The following PTPRN2 variants were observed in gnomAD, a reference collection of about 807,000 sequenced individuals.
PTPRN2 encodes the protein protein tyrosine phosphatase receptor type N2, also known as receptor-type tyrosine-protein phosphatase N2.
In PTPRN2, 74 loss-of-function variants were observed where a neutral mutation model predicts 118.8. The ratio of observed to expected loss-of-function variants is 0.62; its 90% CI spans 0.52 to 0.76. The LOEUF (loss-of-function observed/expected upper bound fraction) is 0.76, where lower values mean the gene tolerates loss of function less well. Ranked by LOEUF, PTPRN2 falls within the 30% of genes least tolerant of loss-of-function variation. PTPRN2 has a pLI of 0.00. For missense variants in PTPRN2, 1,481 were observed against 1,394.4 expected (o/e 1.06, Z -0.99); for synonymous variants, 641 against 608.0 (o/e 1.05, Z -0.80).
chr7:157,864,497 G>A (rs557665719), intron 12 of PTPRN2: 12 of 152,476 alleles, frequency 7.9e-5, no homozygotes, highest in African/African-American at 2.9e-4. Context: ...GAGGCATTGG[G>A]GATGAGATTG....
At chr7:158,319,396 T>C (rs1802619810) in intron 2 of PTPRN2, among the ~76,000 whole-genome samples, 1 of 42,136 alleles carries the variant, frequency 2.4e-5, no homozygotes, top group African/African-American at 5.3e-5. Flanking sequence ...ACACACAGCC[T>C]CCCACACACA....
intron 17 of PTPRN2, among the ~76,000 whole-genome samples, chr7:157,580,978 CCCTGCACACCCCAGCACCTGCACACCCG>C (rs1800346070): frequency 3.1e-5 from 4 of 131,000 alleles, no homozygotes; most frequent in Admixed American, 7.7e-5. Context: ...ACACCGCAGC[CCCTGCACACCCCAGCACCTGCACACCCG>C]AGCCCCTGCA....
At chr7:157,721,505 G>A (rs1006421076) in intron 12 of PTPRN2, among the ~76,000 whole-genome samples, 40 of 152,158 alleles carry the variant, frequency 2.6e-4, no homozygotes, top group African/African-American at 8.4e-4. Context: ...GCACAGCTGC[G>A]TTGCCTCCTG....
intron 1 of PTPRN2, among the ~76,000 whole-genome samples, chr7:158,516,034 C>T (rs920406709): frequency 3.3e-5 from 5 of 152,196 alleles, no homozygotes; most frequent in East Asian, 1.9e-4. Context: ...TCCACAGACA[C>T]GCTGGTGATT....
intron 3 of PTPRN2, among the ~76,000 whole-genome samples, chr7:158,244,525 GGTGT>G (rs1161489074): frequency 6.8e-6 from 1 of 147,088 alleles, no homozygotes; most frequent in Admixed American, 6.9e-5. Context: ...TGTGTGTGAG[GGTGT>G]GTGTGAATGA....
chr7:158,294,451 T>C (rs564205780), intron 3 of PTPRN2, among the ~76,000 whole-genome samples: 1 of 152,360 alleles, frequency 6.6e-6, no homozygotes, highest in East Asian at 1.9e-4. Context: ...AAAGGTTTAC[T>C]CTGGCGTCAA....
At chr7:157,883,064 A>G (rs1329862675) in intron 12 of PTPRN2, among the ~76,000 whole-genome samples, 9 of 149,192 alleles carry the variant, frequency 6.0e-5, no homozygotes, top group Non-Finnish European at 1.2e-4. Context: ...ACACCACCTC[A>G]AAATGACTGT....
In PTPRN2 at chr7:158,108,135, G is replaced by A. The variant is rs529656400; in HGVS notation, c.1643+2694C>T. Among the ~76,000 whole-genome samples, 21 of 151,618 alleles carry A rather than the reference G, an allele frequency of 1.4e-4. No individual in the cohort carries two copies. The South Asian group carries it at 4.0e-3, about 29-fold the overall frequency. Reference sequence around the variant, plus strand: ...CAAACCACCTGCCCACTGCAGCCCTGAGTACGTGACCCTTTGCTCACCTGG... The same window carrying A: ...CAAACCACCTGCCCACTGCAGCCCTAAGTACGTGACCCTTTGCTCACCTGG... On this transcript the variant is annotated intron_variant, in intron 10 of 22. Transcript: ENST00000389418.
chr7:158,564,057 C>CG (rs1417532692), intron 1 of PTPRN2, among the ~76,000 whole-genome samples: 3 of 152,114 alleles, frequency 2.0e-5, no homozygotes, highest in Admixed American at 6.5e-5. Flanking sequence ...GCAGCACTTG[C>CG]GGGGGGCACA....
chr7:157,811,951 G>T (rs767464471), intron 12 of PTPRN2, among the ~76,000 whole-genome samples: 20 of 152,124 alleles, frequency 1.3e-4, no homozygotes, highest in African/African-American at 4.8e-4. Flanking sequence ...CGATGGGGTC[G>T]CTGTCTAAGT....
Position 157,780,486 on chromosome 7 carries a change from AG to A in PTPRN2, c.1789-97550del, listed in dbSNP as rs1200777253. 6.6e-6 allele frequency among the ~76,000 whole-genome samples: 1 copy of A among 152,166 alleles called. No individual in the cohort carries two copies. Among genetic ancestry groups the A allele is most frequent in the African/African-American group, 2.4e-5 (1 of 41,446 alleles). On this transcript the variant is annotated intron_variant, in intron 12 of 22. Transcript: ENST00000389418. The surrounding 1 kb of genome is among the most constrained non-coding windows in gnomAD (Gnocchi z 4.5). ...GCGGAACACGGCCCAGAGCAACTGAAGTTCGCTTGTCCCCACAGGCAGCTCG... is the reference window on the plus strand; with the variant it reads ...GCGGAACACGGCCCAGAGCAACTGAATTCGCTTGTCCCCACAGGCAGCTCG...
At chr7:158,528,806 GA>G (rs59416367) in intron 1 of PTPRN2, among the ~76,000 whole-genome samples, 427 of 117,172 alleles carry the variant, frequency 3.6e-3, no homozygotes, top group South Asian at 7.0e-3. Context: ...CTCAAAAACG[GA>G]AAAAAAAAAA....
In PTPRN2 at chr7:157,649,091, G is replaced by C. The variant is rs551643097; in HGVS notation, c.2196+7266C>G. On this transcript the variant is annotated intron_variant, in intron 14 of 22. Coordinates refer to ENST00000389418, the MANE Select transcript of PTPRN2 (RefSeq NM_002847.5). Reference sequence around the variant, plus strand: ...TCGGTGGGTCAGACCCATTCACTGTGCACTGAACTCGGTGGGTCGGACCCA... The same window carrying C: ...TCGGTGGGTCAGACCCATTCACTGTCCACTGAACTCGGTGGGTCGGACCCA... Among the ~76,000 whole-genome samples the C allele has an allele frequency of 7.9e-4, 106 of 133,404 alleles. 1 individual carries two copies. The highest frequency in any genetic ancestry group is 2.8e-3 in the African/African-American group (102 of 36,408). The allele number at this position is 133,404 out of a possible 152,430, so 87.5% of individuals were successfully genotyped here.
At chr7:157,814,512 G>A (rs1189155510) in intron 12 of PTPRN2, among the ~76,000 whole-genome samples, 2 of 115,708 alleles carry the variant, frequency 1.7e-5, no homozygotes, top group African/African-American at 5.4e-5. Flanking sequence ...GGCAGGACGG[G>A]GCAGGACGGG....
intron 2 of PTPRN2, among the ~76,000 whole-genome samples, chr7:158,340,406 G>A (rs1467856075): frequency 1.9e-4 from 11 of 56,906 alleles, no homozygotes; most frequent in East Asian, 5.0e-4. Flanking sequence ...GCTGACACCC[G>A]CAGACGTCAC....
chr7:158,317,079 G>C, intron 2 of PTPRN2, 147 bp from the exon 3 acceptor site: 1 of 569,760 alleles, frequency 1.8e-6, no homozygotes, highest in South Asian at 2.4e-5. Flanking sequence ...GTTAGGACCC[G>C]GGAGCACCCG....
chr7:158,316,062 A>G (rs1205054765), intron 3 of PTPRN2, among the ~76,000 whole-genome samples: 1 of 152,196 alleles, frequency 6.6e-6, no homozygotes, highest in Non-Finnish European at 1.5e-5. Flanking sequence ...ACCATCCCTG[A>G]GTCCCCAACA....
chr7:157,708,871 C>T (rs575483659), intron 12 of PTPRN2, among the ~76,000 whole-genome samples: 7 of 152,336 alleles, frequency 4.6e-5, no homozygotes, highest in Non-Finnish European at 8.8e-5. Context: ...TAACAAGCCA[C>T]GTATGGCTCC....
chr7:158,490,623 C>T (rs1400498111), intron 1 of PTPRN2, among the ~76,000 whole-genome samples: 5 of 152,252 alleles, frequency 3.3e-5, no homozygotes, highest in Admixed American at 3.3e-4. Flanking sequence ...ACACCAGAAC[C>T]GGGAGGGCCC....
Sources: allele counts gnomAD v4.1 joint callset (sites outside exome capture counted in the v4.1 genomes callset), GRCh38; gene constraint gnomAD v4.1.1; non-coding constraint Gnocchi (gnomAD v3.1); transcripts MANE v1.5; gene names NCBI Gene and HGNC (gene_info 2026-07-23, HGNC 2026-07-21).